ADAM10: variants seen among roughly 807,000 people sequenced by gnomAD.
The protein encoded by ADAM10 is ADAM metallopeptidase domain 10.
A neutral mutation model predicts 90.1 loss-of-function variants in ADAM10; 17 were observed. That is an observed-to-expected ratio of 0.19 (90% CI 0.13 to 0.28). The LOEUF is 0.28. ADAM10 is among the 10% of genes least tolerant of loss of function. The pLI, the probability that ADAM10 is intolerant of heterozygous loss-of-function variation, is 1.00. For synonymous variants in ADAM10, 310 were observed against 298.6 expected (o/e 1.04, Z -0.40); for missense variants, 610 against 914.3 (o/e 0.67, Z 4.29).
At chr15:58,735,626 A>G (rs1899406763) in intron 1 of ADAM10, among the ~76,000 whole-genome samples, 1 of 152,206 alleles carries the variant, frequency 6.6e-6, no homozygotes, top group African/African-American at 2.4e-5. Flanking sequence ...GTAGGGAATA[A>G]TAACAAGAAA....
intron 2 of ADAM10, among the ~76,000 whole-genome samples, chr15:58,687,273 G>A (rs1897628950): frequency 6.6e-6 from 1 of 152,198 alleles, no homozygotes; most frequent in Non-Finnish European, 1.5e-5. Flanking sequence ...GCCCCATCGT[G>A]TATATAAATG....
At chr15:58,689,540 T>TA (rs1160637925) in intron 2 of ADAM10, among the ~76,000 whole-genome samples, 2 of 152,064 alleles carry the variant, frequency 1.3e-5, no homozygotes, top group Non-Finnish European at 2.9e-5. Context: ...GTAACTTTTT[T>TA]AATGCTGAAA....
At chr15:58,636,305 T>G (rs1596014635) in intron 8 of ADAM10, among the ~76,000 whole-genome samples, 1 of 152,206 alleles carries the variant, frequency 6.6e-6, no homozygotes, top group East Asian at 1.9e-4. Context: ...AGTTTAATAT[T>G]TGTTGCAGGC....
intron 7 of ADAM10, among the ~76,000 whole-genome samples, chr15:58,642,072 T>A (rs373966340): frequency 2.6e-5 from 4 of 152,360 alleles, no homozygotes; most frequent in South Asian, 2.1e-4. Flanking sequence ...CACTGTATGT[T>A]ACAGATAGTC....
chr15:58,598,507 C>T (rs1895019275), intron 15 of ADAM10, among the ~76,000 whole-genome samples: 1 of 152,188 alleles, frequency 6.6e-6, no homozygotes, highest in Non-Finnish European at 1.5e-5. Flanking sequence ...TGCAGGTGAA[C>T]AACTGAGGGA....
intron 2 of ADAM10, among the ~76,000 whole-genome samples, chr15:58,716,829 A>G (rs1179077740): frequency 1.3e-5 from 2 of 152,136 alleles, no homozygotes; most frequent in African/African-American, 4.8e-5. Flanking sequence ...AATAGATTTA[A>G]TAATTACACA....
At position 58,628,164 on chromosome 15, in the gene ADAM10, T is replaced by C. The variant is rs12900643; in HGVS notation, c.1177-281A>G. On this transcript the variant is annotated intron_variant, in intron 9 of 15. Coordinates refer to ENST00000260408, the MANE Select transcript of ADAM10 (RefSeq NM_001110.4). ...AGGACAGACTGTCATAAAAGTCTAT[T>C]AAAAATAAGCTCACATACTTTTAAA... Among the ~76,000 whole-genome samples, 61,452 of 152,070 alleles carry C rather than the reference T, an allele frequency of 0.4. 13,872 individuals carry two copies. Among genetic ancestry groups the C allele is most frequent in the East Asian group, 0.93 (4,841 of 5,192 alleles).
At chr15:58,680,187 C>A (rs964534137) in intron 3 of ADAM10, among the ~76,000 whole-genome samples, 22 of 152,076 alleles carry the variant, frequency 1.4e-4, no homozygotes, top group Non-Finnish European at 2.2e-4. Flanking sequence ...CAGTGACGAG[C>A]TCATGGCTCT....
At chr15:58,599,957 A>C (rs1322516684) in intron 14 of ADAM10, among the ~76,000 whole-genome samples, 1 of 152,136 alleles carries the variant, frequency 6.6e-6, no homozygotes, top group Admixed American at 6.6e-5. Context: ...CATAGAGGAA[A>C]CCGCTCAATC....
chr15:58,647,276 T>TTTTTTTTTTTTTTTTA (rs1896576259), intron 5 of ADAM10, among the ~76,000 whole-genome samples: 1 of 115,316 alleles, frequency 8.7e-6, no homozygotes. Context: ...TTTTTTTTTT[T>TTTTTTTTTTTTTTTTA]TTGAGACAGA....
chr15:58,728,446 T>TA, intron 1 of ADAM10, among the ~76,000 whole-genome samples: 1 of 152,238 alleles, frequency 6.6e-6, no homozygotes, highest in South Asian at 2.1e-4. Flanking sequence ...GATTTTTTTT[T>TA]AAATAAAAAT....
At chr15:58,729,867 C>G (rs1899166963) in intron 1 of ADAM10, among the ~76,000 whole-genome samples, 1 of 151,612 alleles carries the variant, frequency 6.6e-6, no homozygotes, top group South Asian at 2.1e-4. Context: ...AAGGCTGAGG[C>G]AGAAGAACCG....
In ADAM10 at chr15:58,713,600, T is replaced by C. The variant is rs1165085380; in HGVS notation, c.206+3977A>G. ...ATCCAATTCATCAGAACTTATTCAG[T>C]GATTTCTGAAACTCAGAAAACTGAT... is the stretch of plus-strand genomic sequence containing the variant. On this transcript the variant is annotated intron_variant, in intron 2 of 15. Transcript: ENST00000260408. Among the ~76,000 whole-genome samples, 4 of 152,302 alleles carry C rather than the reference T, an allele frequency of 2.6e-5. No individual in the cohort carries two copies. The East Asian group carries it at 7.7e-4, about 29-fold the overall frequency.
intron 2 of ADAM10, among the ~76,000 whole-genome samples, chr15:58,697,285 C>G (rs1898006096): frequency 6.6e-6 from 1 of 152,138 alleles, no homozygotes; most frequent in East Asian, 1.9e-4. Flanking sequence ...CCCAAAGACC[C>G]ACTCATCAGC....
intron 1 of ADAM10, among the ~76,000 whole-genome samples, chr15:58,720,394 A>ATTTTT (rs780860408): frequency 3.4e-5 from 5 of 145,706 alleles, no homozygotes; most frequent in East Asian, 2.0e-4. Flanking sequence ...ATTTTATTTT[A>ATTTTT]TTTTATTTTA....
At chr15:58,730,206 G>A (rs1180409585) in intron 1 of ADAM10, among the ~76,000 whole-genome samples, 1 of 152,064 alleles carries the variant, frequency 6.6e-6, no homozygotes, top group African/African-American at 2.4e-5. Context: ...AATAGGGATA[G>A]GTACACCATG....
intron 2 of ADAM10, among the ~76,000 whole-genome samples, chr15:58,717,325 T>C (rs1168888894): frequency 2.0e-5 from 3 of 152,198 alleles, no homozygotes; most frequent in East Asian, 3.8e-4. Flanking sequence ...TTTAAAGACA[T>C]ATCTTTTACT....
At chr15:58,701,014 C>CAAAAAAAAAAAA (rs1257060994) in intron 2 of ADAM10, among the ~76,000 whole-genome samples, 7 of 44,860 alleles carry the variant, frequency 1.6e-4, no homozygotes, top group Non-Finnish European at 3.1e-4. Flanking sequence ...TAAAAAAAAA[C>CAAAAAAAAAAAA]AAAAAAACAA....
At chr15:58,603,683 A>G (rs1391770882) in intron 14 of ADAM10, among the ~76,000 whole-genome samples, 1 of 152,104 alleles carries the variant, frequency 6.6e-6, no homozygotes, top group Admixed American at 6.5e-5. Context: ...AATGCTTCCC[A>G]CCAAAGATTT....
Sources: gnomAD v4.1 joint callset for allele counts (sites outside exome capture counted in the v4.1 genomes callset) on GRCh38, gnomAD v4.1.1 for gene constraint, MANE v1.5 for transcripts, NCBI Gene and HGNC (gene_info 2026-07-23, HGNC 2026-07-21) for gene names.